Variants in ZNF683 observed in about 807,000 individuals in gnomAD.
The protein encoded by ZNF683 is tissue-resident T-cell transcription regulator protein ZNF683.
A neutral mutation model predicts 31.4 loss-of-function variants in ZNF683; 20 were observed. That is an observed-to-expected ratio of 0.64 (90% CI 0.45 to 0.93). ZNF683 has a LOEUF of 0.93. Among genes scored for constraint, ZNF683 ranks in the 40% least tolerant of loss-of-function variants. ZNF683 has a pLI of 0.00. For missense variants in ZNF683, 621 were observed against 637.2 expected (o/e 0.97, Z 0.27); for synonymous variants, 264 against 267.6 (o/e 0.99, Z 0.13).
chr1:26,370,180 C>G (rs2074636186), intron 1 of ZNF683, among the ~76,000 whole-genome samples: 1 of 152,098 alleles, frequency 6.6e-6, no homozygotes, highest in African/African-American at 2.4e-5. Context: ...GAGAGGGGTC[C>G]CTGACTCTAC....
Position 26,365,036 on chromosome 1 carries a change from C to T in ZNF683, c.510G>A (p.Leu170=). The T allele has an allele frequency of 6.3e-7, 1 of 1,594,332 alleles. No homozygotes were observed. The highest frequency in any genetic ancestry group is 1.3e-5 in the African/African-American group (1 of 74,140). ...TGACAGGGGGACAGGGGCAGAAAGC[C>T]AAGGGGCTGGGGCTCTTTCTGTTCT... ...PLQNRKSPSP[L]AFCPCPPVNS... The change falls in exon 4 of 6, where the codon TTG becomes TTA. Residue 170 remains leucine (L), a synonymous_variant. Coordinates refer to ENST00000349618, the MANE Select transcript of ZNF683 (RefSeq NM_001114759.3).
At chr1:26,371,240 A>G (rs913137700) in intron 1 of ZNF683, among the ~76,000 whole-genome samples, 6 of 152,208 alleles carry the variant, frequency 3.9e-5, no homozygotes, top group African/African-American at 1.2e-4. Context: ...TCCAAGTCCC[A>G]TCTCAGATCT....
chr1:26,362,220 CCATGTGTGACCTTGTAAAAGT>C (rs2124110977), intron 5 of ZNF683, 198 bp from the exon 6 acceptor site: 2 of 1,546,432 alleles, frequency 1.3e-6, no homozygotes, highest in African/African-American at 2.7e-5. Context: ...GTCCTTTACT[CCATGTGTGACCTTGTAAAAGT>C]AACTTCTCCT....
rs147162067 is a variant in ZNF683, at chr1:26,363,135, C to T, written c.1034G>A (p.Ser345Asn). Reference sequence around the variant, plus strand: ...GGCACACTGGAATGGACGCTCTCCACTGTGCACACGCAGGTGGACCTGAGT... The same window carrying T: ...GGCACACTGGAATGGACGCTCTCCATTGTGCACACGCAGGTGGACCTGAGT... ...SNLKVHLRVH[S>N]GERPFQCALC... Residue 345 changes from serine to asparagine, a missense_variant, in exon 5 of 6, where the codon AGT becomes AAT. Transcript: ENST00000349618. The T allele has an allele frequency of 2.8e-5, 45 of 1,612,092 alleles. No homozygotes were observed. In the African/African-American group the frequency reaches 5.7e-4, roughly 21 times the overall value.
chr1:26,374,305 C>T, upstream of ZNF683: 2 of 1,304,116 alleles, frequency 1.5e-6, no homozygotes, highest in South Asian at 2.5e-5. Context: ...CAGCTGTGCT[C>T]CCTCCTGGCA....
chr1:26,364,816 CCAGCTCATTGACCATCAT>C lies in ZNF683; in HGVS notation c.712_729del (p.Met238_Leu243del), dbSNP rs771359619. 1.5e-5 allele frequency: 19 copies of C among 1,278,032 alleles called. No homozygotes were observed. Among genetic ancestry groups the C allele is most frequent in the Non-Finnish European group, 2.0e-5 (19 of 951,844 alleles). The allele number at this position is 1,278,032 out of a possible 1,614,324, so 79.2% of individuals were successfully genotyped here. On this transcript the variant is annotated inframe_deletion, in exon 4 of 6. Transcript: ENST00000349618. ...GTCTCCCACCGAGCGCTGGGGTGCC[CCAGCTCATTGACCATCAT>C]CAGCAGGCTAGGCATAGCCATGGTG... is the stretch of plus-strand genomic sequence containing the variant.
At chr1:26,372,619 T>C in intron 1 of ZNF683, 50 bp downstream of exon 1, 1 of 1,304,392 alleles carries the variant, frequency 7.7e-7, no homozygotes, top group Admixed American at 2.3e-5. Context: ...AACTTCTCTG[T>C]TAGAAAAAAA....
chr1:26,370,355 G>A (rs1300840197), intron 1 of ZNF683, among the ~76,000 whole-genome samples: 1 of 152,156 alleles, frequency 6.6e-6, no homozygotes, highest in Non-Finnish European at 1.5e-5. Flanking sequence ...GGATGCCCCT[G>A]ACTGGCCTGA....
chr1:26,367,654 G>C lies in ZNF683; in HGVS notation c.258C>G (p.Thr86=). 1 of 1,612,528 alleles carries C rather than the reference G, an allele frequency of 6.2e-7. No individual in the cohort carries two copies. The highest frequency in any genetic ancestry group is 1.3e-5 in the African/African-American group (1 of 74,992). The stretch of plus-strand genomic sequence containing the variant: ...CTGTGCCCAGGGGTGCCGGCTGTGG[G>C]GTGCACAGGTTCAGGTCCAGGTCCT... ...CLQDLDLNLC[T]PQPAPLGTDL... is the part of the protein sequence containing the mutation. Residue 86 remains threonine (T), a synonymous_variant, in exon 3 of 6, where the codon ACC becomes ACG. Coordinates refer to ENST00000349618, the MANE Select transcript of ZNF683 (RefSeq NM_001114759.3).
chr1:26,362,691 G>A (rs1570240706), intron 5 of ZNF683, among the ~76,000 whole-genome samples: 3 of 152,184 alleles, frequency 2.0e-5, no homozygotes, highest in African/African-American at 7.2e-5. Flanking sequence ...CACAGAAGGA[G>A]GGAGCTGACA....
chr1:26,363,893 C>T (rs768063983), intron 4 of ZNF683, among the ~76,000 whole-genome samples: 1 of 152,214 alleles, frequency 6.6e-6, no homozygotes, highest in African/African-American at 2.4e-5. Context: ...CTGCAGGATC[C>T]AGCAGGGCTT....
chr1:26,371,804 T>C (rs1205699738), intron 1 of ZNF683, among the ~76,000 whole-genome samples: 1 of 147,988 alleles, frequency 6.8e-6, no homozygotes, highest in Non-Finnish European at 1.5e-5. Flanking sequence ...TGGTAGCGCA[T>C]GCCTGTTGTT....
At chr1:26,367,509 C>T in intron 3 of ZNF683, 84 bp downstream of exon 3, 1 of 1,370,752 alleles carries the variant, frequency 7.3e-7, no homozygotes, top group South Asian at 1.5e-5. Context: ...TGCGTCCTCT[C>T]CACCACCCAT....
chr1:26,365,302 T>C, intron 3 of ZNF683, 76 bp from the exon 4 acceptor site: 1 of 1,427,442 alleles, frequency 7.0e-7, no homozygotes, highest in South Asian at 1.4e-5. Flanking sequence ...CCTGCCCTGC[T>C]CGGGGCTGAG....
chr1:26,374,139 A>G, upstream of ZNF683: 1 of 840,226 alleles, frequency 1.2e-6, no homozygotes, highest in South Asian at 1.8e-5. Flanking sequence ...AGTTCACCAA[A>G]ACTCTACTCC....
At chr1:26,370,958 G>C (rs559177534) in intron 1 of ZNF683, among the ~76,000 whole-genome samples, 22 of 152,136 alleles carry the variant, frequency 1.4e-4, no homozygotes, top group African/African-American at 3.6e-4. Flanking sequence ...TGTGTGTGAG[G>C]GGGGCGGGCT....
intron 3 of ZNF683, 100 bp downstream of exon 3, chr1:26,367,493 T>C: frequency 8.0e-7 from 1 of 1,254,318 alleles, no homozygotes; most frequent in Admixed American, 2.9e-5. Flanking sequence ...TCTTCATCAG[T>C]GACACTGCGT....
intron 5 of ZNF683, chr1:26,362,298 A>G: frequency 1.1e-6 from 1 of 934,452 alleles, no homozygotes; most frequent in Non-Finnish European, 1.7e-6. Context: ...ATTAATACCT[A>G]GCTTCATAGA....
intron 1 of ZNF683, among the ~76,000 whole-genome samples, chr1:26,370,273 G>A (rs1485231373): frequency 6.6e-6 from 1 of 152,154 alleles, no homozygotes; most frequent in Non-Finnish European, 1.5e-5. Context: ...ACACCTCAGT[G>A]TCGTGTCACC....
Sources: gnomAD v4.1 joint callset for allele counts (sites outside exome capture counted in the v4.1 genomes callset) on GRCh38, gnomAD v4.1.1 for gene constraint, MANE v1.5 for transcripts, NCBI Gene and HGNC (gene_info 2026-07-23, HGNC 2026-07-21) for gene names.